Variants in C8orf34 observed in about 807,000 individuals in gnomAD.
C8orf34 encodes the protein uncharacterized protein C8orf34.
In C8orf34, 65 loss-of-function variants were observed where a neutral mutation model predicts 68.3. That is an observed-to-expected ratio of 0.95 (90% CI 0.78 to 1.17). The LOEUF is 1.17. C8orf34 is among the 50% of genes most tolerant of loss of function. C8orf34 has a pLI of 0.00. For synonymous variants in C8orf34, 244 were observed against 241.2 expected (o/e 1.01, Z -0.11); for missense variants, 664 against 655.4 (o/e 1.01, Z -0.14).
At chr8:68,809,029 T>G (rs1320960806) in intron 12 of C8orf34, among the ~76,000 whole-genome samples, 1 of 152,120 alleles carries the variant, frequency 6.6e-6, no homozygotes, top group Non-Finnish European at 1.5e-5. Flanking sequence ...CTGGAGGCTA[T>G]CATGAAGTGG....
intron 8 of C8orf34, among the ~76,000 whole-genome samples, chr8:68,655,759 A>G (rs1295989258): frequency 6.6e-6 from 1 of 152,198 alleles, no homozygotes; most frequent in Non-Finnish European, 1.5e-5. Context: ...GTCGAGGAGC[A>G]TCTGTTTAGG....
At chr8:68,410,086 A>T (rs992383462) in intron 1 of C8orf34, among the ~76,000 whole-genome samples, 1 of 152,204 alleles carries the variant, frequency 6.6e-6, no homozygotes, top group Non-Finnish European at 1.5e-5. Flanking sequence ...CTCAGAATGT[A>T]TCCCTATTAC....
chr8:68,415,811 C>T (rs1473572973), intron 1 of C8orf34, among the ~76,000 whole-genome samples: 1 of 152,180 alleles, frequency 6.6e-6, no homozygotes, highest in Admixed American at 6.6e-5. Flanking sequence ...CTACAGCCAC[C>T]AAGTCTGCCC....
intron 7 of C8orf34, among the ~76,000 whole-genome samples, chr8:68,606,953 C>A (rs1586440958): frequency 6.6e-6 from 1 of 152,016 alleles, no homozygotes; most frequent in South Asian, 2.1e-4. Flanking sequence ...AGCACTCTGG[C>A]CACAGGAGTA....
chr8:68,426,313 T>C (rs1307145585), intron 1 of C8orf34, among the ~76,000 whole-genome samples: 1 of 149,550 alleles, frequency 6.7e-6, no homozygotes, highest in African/African-American at 2.5e-5. Flanking sequence ...AGGTCAGGAG[T>C]TGAAGACCAG....
intron 8 of C8orf34, among the ~76,000 whole-genome samples, chr8:68,647,195 C>T (rs1220313722): frequency 6.6e-6 from 1 of 152,122 alleles, no homozygotes; most frequent in Non-Finnish European, 1.5e-5. Flanking sequence ...TGAAAAAATG[C>T]TAGTCATCAC....
At chr8:68,610,869 T>TG (rs1818000694) in intron 7 of C8orf34, among the ~76,000 whole-genome samples, 2 of 150,246 alleles carry the variant, frequency 1.3e-5, no homozygotes, top group African/African-American at 2.5e-5. Context: ...TGGTTTTTTT[T>TG]TTTTTTTTTT....
At position 68,372,557 on chromosome 8, in the gene C8orf34, C is replaced by T. The variant is rs571690999; in HGVS notation, c.327+41218C>T. 3.3e-5 allele frequency among the ~76,000 whole-genome samples: 5 copies of T among 152,102 alleles called. No individual in the cohort carries two copies. In the East Asian group the frequency reaches 7.7e-4, roughly 23 times the overall value. ...GCAATCAAGAGGGAGTAAGTCCCTC[C>T]TCTCCTCTTCCTGTTTTCCCATTTT... is the stretch of plus-strand genomic sequence containing the variant. On this transcript the variant is annotated intron_variant, in intron 1 of 13. Transcript: ENST00000518698.
At chr8:68,396,712 CAAA>C (rs56946858) in intron 1 of C8orf34, among the ~76,000 whole-genome samples, 1,329 of 18,280 alleles carry the variant, frequency 0.073, no homozygotes, top group Middle Eastern at 0.31. Context: ...AGCTGCTTGT[CAAA>C]AAAAAAAAAA....
chr8:68,401,509 G>T (rs1808953685), intron 1 of C8orf34, among the ~76,000 whole-genome samples: 1 of 151,920 alleles, frequency 6.6e-6, no homozygotes, highest in East Asian at 1.9e-4. Flanking sequence ...GTTGGCTTTG[G>T]GTTTCTCATA....
At chr8:68,566,796 T>C (rs531958569) in intron 7 of C8orf34, among the ~76,000 whole-genome samples, 134 of 152,352 alleles carry the variant, frequency 8.8e-4, no homozygotes, top group Non-Finnish European at 1.7e-3. Flanking sequence ...GGACTTTAAA[T>C]TTCCTTCAAG....
chr8:68,790,797 T>G (rs1823972942), intron 12 of C8orf34: 1 of 692,660 alleles, frequency 1.4e-6, no homozygotes, highest in Non-Finnish European at 2.6e-6. Flanking sequence ...ACACTCATAT[T>G]CTGGGACTCT....
chr8:68,461,919 G>T (rs960893138), intron 3 of C8orf34, among the ~76,000 whole-genome samples: 1 of 152,120 alleles, frequency 6.6e-6, no homozygotes, highest in Non-Finnish European at 1.5e-5. Flanking sequence ...CATAATGACA[G>T]GATCAAATTC....
intron 3 of C8orf34, among the ~76,000 whole-genome samples, chr8:68,466,063 T>A (rs1212475244): frequency 6.7e-6 from 1 of 148,298 alleles, no homozygotes; most frequent in Non-Finnish European, 1.5e-5. Flanking sequence ...AATGAAATCA[T>A]GTCATTCTCA....
chr8:68,454,393 T>C (rs577269333), intron 3 of C8orf34, among the ~76,000 whole-genome samples: 2 of 152,164 alleles, frequency 1.3e-5, no homozygotes, highest in South Asian at 4.1e-4. Context: ...CGCTTTATCC[T>C]GGCCTTGTCC....
chr8:68,545,221 T>C (rs1245647622), intron 7 of C8orf34, among the ~76,000 whole-genome samples: 1 of 152,158 alleles, frequency 6.6e-6, no homozygotes, highest in Non-Finnish European at 1.5e-5. Context: ...ATAAGTCTCA[T>C]GAGAGCTGAT....
rs534195022 is a variant in C8orf34 at position 68,615,631 on chromosome 8, G to A, written c.1106-24745G>A. Among the ~76,000 whole-genome samples the A allele has an allele frequency of 3.1e-3, 469 of 152,278 alleles. 2 individuals are homozygous for A. Among genetic ancestry groups the A allele is most frequent in the African/African-American group, 0.011 (443 of 41,556 alleles). On this transcript the variant is annotated intron_variant, in intron 7 of 13. Transcript: ENST00000518698. Reference sequence around the variant, plus strand: ...ATATTGAACCAGTCTTGCATCCCAGGGATGAAGCCCACTTGATCATGGTGG... The same window carrying A: ...ATATTGAACCAGTCTTGCATCCCAGAGATGAAGCCCACTTGATCATGGTGG...
chr8:68,468,595 T>C (rs1461250820), intron 3 of C8orf34, 97 bp from the exon 4 acceptor site: 2 of 1,206,970 alleles, frequency 1.7e-6, no homozygotes, highest in Admixed American at 2.6e-5. Flanking sequence ...TTTTATTCTA[T>C]ACATTGATCT....
intron 8 of C8orf34, among the ~76,000 whole-genome samples, chr8:68,687,668 T>C (rs1820560920): frequency 6.6e-6 from 1 of 151,792 alleles, no homozygotes; most frequent in Non-Finnish European, 1.5e-5. Flanking sequence ...TTCTAGAAGA[T>C]GACATTGAAA....
Sources: gnomAD v4.1 joint callset for allele counts (sites outside exome capture counted in the v4.1 genomes callset) on GRCh38, gnomAD v4.1.1 for gene constraint, MANE v1.5 for transcripts, NCBI Gene and HGNC (gene_info 2026-07-23, HGNC 2026-07-21) for gene names.